The following KIF27 variants were observed in gnomAD, a reference collection of about 807,000 sequenced individuals.
KIF27 encodes kinesin-like protein KIF27.
Under a neutral mutation model 141.8 loss-of-function variants are expected in KIF27, and 84 were observed. The ratio of observed to expected loss-of-function variants is 0.59; its 90% CI spans 0.50 to 0.71. The LOEUF (loss-of-function observed/expected upper bound fraction) is 0.71. Among genes scored for constraint, KIF27 ranks in the 30% least tolerant of loss-of-function variants. The pLI is 0.00. For synonymous variants in KIF27, 471 were observed against 569.5 expected (o/e 0.83, Z 2.46); for missense variants, 1,306 against 1,628.4 (o/e 0.80, Z 3.41).
At chr9:83,882,192 G>A (rs1290622757) in intron 10 of KIF27, among the ~76,000 whole-genome samples, 4 of 152,142 alleles carry the variant, frequency 2.6e-5, no homozygotes, top group East Asian at 3.9e-4. Flanking sequence ...GTGAAACTGC[G>A]TCTCTACTAA....
chr9:83,901,584 T>G (rs1953893016), intron 4 of KIF27, among the ~76,000 whole-genome samples: 1 of 152,102 alleles, frequency 6.6e-6, no homozygotes. Flanking sequence ...TAAAATTTTT[T>G]TGTGTGTTGG....
At position 83,849,678 on chromosome 9, in the gene KIF27, A is replaced by C. The variant is rs1464850742; in HGVS notation, c.3556+421T>G. 1.9e-5 allele frequency: 3 copies of C among 159,732 alleles called. No individual in the cohort carries two copies. In the Admixed American group the frequency reaches 1.9e-4, roughly 10 times the overall value. 9.9% of individuals were successfully genotyped at this position (159,732 alleles called of 1,614,324 possible). ...TTATAATCAACTGACAATTATAACC[A>C]GAAATATAACTAGGAATATGACAGA... On this transcript the variant is annotated intron_variant, in intron 16 of 17. Transcript: ENST00000297814.
chr9:83,909,158 G>A (rs1448322660), intron 2 of KIF27, among the ~76,000 whole-genome samples: 3 of 152,084 alleles, frequency 2.0e-5, no homozygotes, highest in African/African-American at 4.8e-5. Context: ...TAACTGATAA[G>A]TGAATTATAT....
At chr9:83,900,767 C>G (rs1953794704) in intron 4 of KIF27, among the ~76,000 whole-genome samples, 1 of 151,536 alleles carries the variant, frequency 6.6e-6, no homozygotes, top group Admixed American at 6.6e-5. Context: ...GTATATATCA[C>G]AACTCCTATA....
chr9:83,885,360 T>G (rs143753450), intron 9 of KIF27, among the ~76,000 whole-genome samples: 3,761 of 152,310 alleles, frequency 0.025, 157 homozygotes, highest in African/African-American at 0.087. Context: ...CCCAAAGTGC[T>G]GGGATTACAG....
intron 5 of KIF27, among the ~76,000 whole-genome samples, chr9:83,896,751 T>A (rs888613962): frequency 6.6e-6 from 1 of 152,154 alleles, no homozygotes; most frequent in African/African-American, 2.4e-5. Flanking sequence ...CCCAGAAACA[T>A]ACAAAATTAT....
In KIF27 at chr9:83,836,787, A is replaced by G. The variant is rs1945896036; in HGVS notation, c.*214T>C. On this transcript the variant is annotated 3_prime_UTR_variant, in exon 18 of 18. Transcript: ENST00000297814. ...ATATTTAAATGTTATCAAGTATTGG[A>G]AAACATGTTTGATTACTATGGGAAT... The G allele has an allele frequency of 1.6e-6, 1 of 636,464 alleles. No homozygotes were observed. Among genetic ancestry groups the G allele is most frequent in the Non-Finnish European group, 2.4e-6 (1 of 410,944 alleles). The allele number at this position is 636,464 out of a possible 1,614,324, so 39.4% of individuals were successfully genotyped here. A position where few individuals can be genotyped will look rare whatever the true frequency, so the allele number is the denominator to read the frequency against.
rs753893408 is a variant in KIF27, at chr9:83,915,538, T to C, written c.54A>G (p.Lys18=). ...VAVRIRPLLC[K]EALHNHQVCV... is the part of the protein sequence containing the mutation. ...AAACTTGATGATTATGAAGAGCTTC[T>C]TTGCAAAGCAGAGGTCTAATTCTTA... The change falls in exon 2 of 18, where the codon AAA becomes AAG. Residue 18 remains lysine, a synonymous_variant. Coordinates refer to ENST00000297814, the MANE Select transcript of KIF27 (RefSeq NM_017576.4). The C allele has an allele frequency of 1.9e-6, 3 of 1,613,752 alleles. No homozygotes were observed. In the Admixed American group the frequency reaches 5.0e-5, roughly 27 times the overall value.
chr9:83,897,014 A>G (rs2780192), intron 5 of KIF27, among the ~76,000 whole-genome samples: 1 of 152,170 alleles, frequency 6.6e-6, no homozygotes, highest in Non-Finnish European at 1.5e-5. Context: ...GTGATGGTTA[A>G]ACAATTCTGT....
intron 13 of KIF27, among the ~76,000 whole-genome samples, chr9:83,864,948 T>C (rs1950234784): frequency 6.6e-6 from 1 of 152,222 alleles, no homozygotes; most frequent in Non-Finnish European, 1.5e-5. Context: ...TTTATCTCTT[T>C]TGATCTTTCT....
At chr9:83,912,674 T>C (rs1290449158) in intron 2 of KIF27, among the ~76,000 whole-genome samples, 3 of 152,230 alleles carry the variant, frequency 2.0e-5, no homozygotes, top group African/African-American at 7.2e-5. Context: ...GCAATGTTAG[T>C]CTTATATTCC....
chr9:83,897,024 T>C lies in KIF27; in HGVS notation c.1602+2637A>G, dbSNP rs944139632. Among the ~76,000 whole-genome samples the C allele has an allele frequency of 2.6e-5, 4 of 152,120 alleles. 1 individual carries two copies. Among genetic ancestry groups the C allele is most frequent in the Admixed American group, 2.6e-4 (4 of 15,276 alleles). ...ATGGTGTGATGGTTAAACAATTCTG[T>C]AAATACATAAAAAAATCATTGAATT... On this transcript the variant is annotated intron_variant, in intron 5 of 17. Coordinates refer to ENST00000297814, the MANE Select transcript of KIF27 (RefSeq NM_017576.4).
At chr9:83,878,584 A>T (rs2132166688) in intron 11 of KIF27, among the ~76,000 whole-genome samples, 1 of 152,322 alleles carries the variant, frequency 6.6e-6, no homozygotes, top group East Asian at 1.9e-4. Context: ...AAGGGAATGA[A>T]GTTCTTGTAC....
At chr9:83,864,582 C>G (rs1385303595) in intron 13 of KIF27, among the ~76,000 whole-genome samples, 1 of 152,126 alleles carries the variant, frequency 6.6e-6, no homozygotes, top group African/African-American at 2.4e-5. Context: ...CTGAGGAGTG[C>G]TTTACTTCCA....
intron 12 of KIF27, 47 bp from the exon 13 acceptor site, chr9:83,867,907 A>T: frequency 6.6e-7 from 1 of 1,511,814 alleles, no homozygotes; most frequent in African/African-American, 1.4e-5. Flanking sequence ...CTTCTGCCAT[A>T]AAAATTATAT....
intron 4 of KIF27, among the ~76,000 whole-genome samples, chr9:83,901,850 C>T (rs994925157): frequency 1.2e-4 from 18 of 150,616 alleles, no homozygotes; most frequent in African/African-American, 3.4e-4. Flanking sequence ...TCCAGCCTGG[C>T]GAGAGAGCAA....
chr9:83,857,615 G>A (rs1471686132), intron 14 of KIF27, among the ~76,000 whole-genome samples: 1 of 152,108 alleles, frequency 6.6e-6, no homozygotes, highest in African/African-American at 2.4e-5. Context: ...AAACCTAAAT[G>A]TTTCTTGATA....
At chr9:83,907,211 A>G (rs929077418) in intron 3 of KIF27, among the ~76,000 whole-genome samples, 11 of 151,550 alleles carry the variant, frequency 7.3e-5, no homozygotes, top group Admixed American at 4.6e-4. Context: ...AATGGCGTGA[A>G]CCCGGGAGGC....
At chr9:83,878,354 A>G (rs1951403334) in intron 11 of KIF27, among the ~76,000 whole-genome samples, 1 of 151,914 alleles carries the variant, frequency 6.6e-6, no homozygotes. Flanking sequence ...TCAGAAAGCT[A>G]AGCACAGATT....
Sources: allele counts gnomAD v4.1 joint callset (sites outside exome capture counted in the v4.1 genomes callset), GRCh38; gene constraint gnomAD v4.1.1; transcripts MANE v1.5; gene names NCBI Gene and HGNC (gene_info 2026-07-23, HGNC 2026-07-21).